Variants in SOX5 observed in about 807,000 individuals in gnomAD.
The protein encoded by SOX5 is transcription factor SOX-5.
Under a neutral mutation model 92.0 loss-of-function variants are expected in SOX5, and 9 were observed. The observed-to-expected ratio is 0.10, with a 90% CI of 0.06 to 0.17. The LOEUF (loss-of-function observed/expected upper bound fraction) is 0.17. Ranked by LOEUF, SOX5 falls within the 10% of genes least tolerant of loss-of-function variation. The pLI, the probability that SOX5 is intolerant of heterozygous loss-of-function variation, is 1.00. For synonymous variants in SOX5, 344 were observed against 336.3 expected, an observed-to-expected ratio of 1.02 and a Z score of -0.25; for missense variants, 642 against 944.5, an observed-to-expected ratio of 0.68 and a Z score of 4.20.
At chr12:23,584,858 T>TC (rs1950509207) in intron 9 of SOX5, among the ~76,000 whole-genome samples, 1 of 152,126 alleles carries the variant, frequency 6.6e-6, no homozygotes, top group Non-Finnish European at 1.5e-5. Flanking sequence ...TTCATATCAC[T>TC]GTATTTCATT....
At chr12:23,822,982 A>C (rs2096152191) in intron 3 of SOX5, among the ~76,000 whole-genome samples, 1 of 151,978 alleles carries the variant, frequency 6.6e-6, no homozygotes, top group South Asian at 2.1e-4. Context: ...ATCTTCCTCC[A>C]TCCCATTATT....
chr12:23,832,279 C>A (rs1464549133), intron 3 of SOX5, among the ~76,000 whole-genome samples: 2 of 151,732 alleles, frequency 1.3e-5, no homozygotes, highest in Non-Finnish European at 2.9e-5. Context: ...GGCAACTGCC[C>A]AACTACATAT....
chr12:23,680,146 C>A (rs916144784), intron 6 of SOX5, among the ~76,000 whole-genome samples: 2 of 151,078 alleles, frequency 1.3e-5, no homozygotes, highest in Non-Finnish European at 3.0e-5. Flanking sequence ...GGCAACACAG[C>A]GACAACCTGT....
At chr12:23,810,066 T>C (rs1439933655) in intron 3 of SOX5, among the ~76,000 whole-genome samples, 2 of 152,116 alleles carry the variant, frequency 1.3e-5, no homozygotes, top group Non-Finnish European at 2.9e-5. Flanking sequence ...AGAAAAAACA[T>C]ACATCTACTA....
Position 24,138,992 on chromosome 12 carries a change from T to C in SOX5, c.-2+74351A>G, listed in dbSNP as rs563885597. On this transcript the variant is annotated intron_variant, in intron 4 of 4. Transcript: ENST00000446891. ...GAAACTCTCAGATGCACAATATATCTCCATCCCTGAGTTTTCCCCTTACAC... is the reference window on the plus strand; with the variant it reads ...GAAACTCTCAGATGCACAATATATCCCCATCCCTGAGTTTTCCCCTTACAC... Among the ~76,000 whole-genome samples the C allele has an allele frequency of 2.6e-5, 4 of 152,240 alleles. 1 individual carries two copies. Among genetic ancestry groups the C allele is most frequent in the African/African-American group, 9.6e-5 (4 of 41,530 alleles).
intron 4 of SOX5, among the ~76,000 whole-genome samples, chr12:24,135,641 AC>A (rs575607560): frequency 1.1e-4 from 16 of 152,348 alleles, no homozygotes; most frequent in African/African-American, 3.4e-4. Flanking sequence ...AATAATTACA[AC>A]AGGACAGATG....
chr12:23,566,121 A>C (rs1947037587), intron 10 of SOX5, among the ~76,000 whole-genome samples: 1 of 152,148 alleles, frequency 6.6e-6, no homozygotes, highest in Admixed American at 6.5e-5. Context: ...TTCATTGATA[A>C]TTCTATTTCT....
At position 24,038,081 on chromosome 12, in the gene SOX5, A is replaced by C. The variant is rs567380052; in HGVS notation, c.-1-142057T>G. On this transcript the variant is annotated intron_variant, in intron 4 of 4. Coordinates refer to the SOX5 transcript ENST00000446891. Reference sequence around the variant, plus strand: ...GAAACCAAGATTTAAAATATGACAAAATTATCCTCTATAAATCGTACAGTT... The same window carrying C: ...GAAACCAAGATTTAAAATATGACAACATTATCCTCTATAAATCGTACAGTT... Among the ~76,000 whole-genome samples the C allele has an allele frequency of 3.3e-5, 5 of 152,320 alleles. No homozygotes were observed. In the South Asian group the frequency reaches 1.0e-3, roughly 32 times the overall value.
intron 9 of SOX5, among the ~76,000 whole-genome samples, chr12:23,596,745 AGTCTCT>A (rs1434890572): frequency 6.6e-6 from 1 of 152,212 alleles, no homozygotes; most frequent in East Asian, 1.9e-4. Flanking sequence ...TTGCTTTCTC[AGTCTCT>A]GACACAATAA....
At chr12:23,971,744 C>A in intron 4 of SOX5, among the ~76,000 whole-genome samples, 1 of 152,048 alleles carries the variant, frequency 6.6e-6, no homozygotes, top group African/African-American at 2.4e-5. Flanking sequence ...CCTGTTCATT[C>A]TTTGACCCTT....
chr12:24,071,562 G>C, intron 4 of SOX5, among the ~76,000 whole-genome samples: 1 of 141,528 alleles, frequency 7.1e-6, no homozygotes, highest in African/African-American at 2.5e-5. Context: ...AGCCTCCTGA[G>C]TAGCTGGGAT....
At chr12:24,093,586 G>C (rs1944940284) in intron 4 of SOX5, among the ~76,000 whole-genome samples, 1 of 150,592 alleles carries the variant, frequency 6.6e-6, no homozygotes, top group South Asian at 2.1e-4. Context: ...GTTCAAAAAA[G>C]TTTCATCATA....
At chr12:24,407,192 T>TAAGAGAAGGAGAA (rs1195217398) in intron 1 of SOX5, among the ~76,000 whole-genome samples, 2 of 151,986 alleles carry the variant, frequency 1.3e-5, no homozygotes, top group Non-Finnish European at 2.9e-5. Context: ...TAGAAGAAAC[T>TAAGAGAAGGAGAA]AAGAGAAGGA....
In SOX5 at chr12:23,709,713, G is replaced by A. The variant is rs561321001; in HGVS notation, c.810+24971C>T. On this transcript the variant is annotated intron_variant, in intron 6 of 14. Transcript: ENST00000451604. ...GTTCTCCTACTGGTTAGGAGGTTGT[G>A]TATGGTATGTGTTTGTGTTTCTGTT... Among the ~76,000 whole-genome samples the A allele has an allele frequency of 2.9e-4, 44 of 152,262 alleles. 1 individual carries two copies. The highest frequency in any genetic ancestry group is 2.4e-3 in the Admixed American group (37 of 15,286).
intron 1 of SOX5, among the ~76,000 whole-genome samples, chr12:24,380,910 A>G (rs575573328): frequency 6.6e-6 from 1 of 152,340 alleles, no homozygotes; most frequent in South Asian, 2.1e-4. Context: ...AATCAGAAAA[A>G]GAAGTCCCTA....
At chr12:23,902,209 T>C (rs1363284150) in intron 1 of SOX5, among the ~76,000 whole-genome samples, 1 of 152,176 alleles carries the variant, frequency 6.6e-6, no homozygotes, top group East Asian at 1.9e-4. Flanking sequence ...GAAAATGACA[T>C]GTACAGAGTT....
intron 2 of SOX5, among the ~76,000 whole-genome samples, chr12:23,847,770 G>A (rs2096590906): frequency 6.6e-6 from 1 of 151,980 alleles, no homozygotes; most frequent in Admixed American, 6.6e-5. Context: ...CCTCTGACTA[G>A]CACTATGCCT....
chr12:23,575,196 T>C (rs1472989722), intron 10 of SOX5, among the ~76,000 whole-genome samples: 1 of 152,218 alleles, frequency 6.6e-6, no homozygotes, highest in Non-Finnish European at 1.5e-5. Context: ...AATACTTTGG[T>C]GTTTGCAAGT....
At chr12:24,139,794 G>C (rs2138635347) in intron 4 of SOX5, among the ~76,000 whole-genome samples, 1 of 152,270 alleles carries the variant, frequency 6.6e-6, no homozygotes, top group East Asian at 1.9e-4. Context: ...GAAACTGCTT[G>C]GGGTGTTAAG....
Sources: gnomAD v4.1 joint callset for allele counts (sites outside exome capture counted in the v4.1 genomes callset) on GRCh38, gnomAD v4.1.1 for gene constraint, MANE v1.5 for transcripts, NCBI Gene and HGNC (gene_info 2026-07-23, HGNC 2026-07-21) for gene names.